The following ACVR1B variants were observed in gnomAD, a reference collection of about 807,000 sequenced individuals.
ACVR1B encodes activin A receptor type 1B, also known as activin receptor type-1B.
In ACVR1B, 15 loss-of-function variants were observed where a neutral mutation model predicts 55.6. The observed-to-expected ratio is 0.27, with a 90% CI of 0.18 to 0.42. ACVR1B has a LOEUF of 0.42. Ranked by LOEUF, ACVR1B falls within the 10% of genes least tolerant of loss-of-function variation. The probability of loss-of-function intolerance (pLI) is 1.00; values close to 1 mark genes in which losing one functional copy is unlikely to be tolerated. For synonymous variants in ACVR1B, 247 were observed against 254.6 expected, an observed-to-expected ratio of 0.97 and a Z score of 0.28; for missense variants, 359 against 670.1, an observed-to-expected ratio of 0.54 and a Z score of 5.13.
chr12:51,959,796 C>CT (rs1034006011), intron 1 of ACVR1B, among the ~76,000 whole-genome samples: 1 of 151,978 alleles, frequency 6.6e-6, no homozygotes, highest in Non-Finnish European at 1.5e-5. Context: ...CTGACTATAA[C>CT]TTTTTTCTAG....
chr12:51,972,028 G>A (rs937521434), intron 1 of ACVR1B, among the ~76,000 whole-genome samples: 2 of 152,186 alleles, frequency 1.3e-5, no homozygotes, highest in African/African-American at 4.8e-5. Flanking sequence ...TTTTACTTGG[G>A]TGGTGGCTTT....
chr12:51,964,806 G>T lies in ACVR1B; in HGVS notation c.92-10459G>T, dbSNP rs564950871. Reference sequence around the variant, plus strand: ...GGTTTATTTCTGGATTCTCAATTCGGTTCTGTTGGTTTGTATGTCTATACT... The same window carrying T: ...GGTTTATTTCTGGATTCTCAATTCGTTTCTGTTGGTTTGTATGTCTATACT... On this transcript the variant is annotated intron_variant, in intron 1 of 8. Transcript: ENST00000257963. Among the ~76,000 whole-genome samples the T allele has an allele frequency of 1.1e-4, 17 of 152,182 alleles. No individual in the cohort carries two copies. In the South Asian group the frequency reaches 3.5e-3, roughly 32 times the overall value.
chr12:51,964,399 A>G (rs1941599990), intron 1 of ACVR1B, among the ~76,000 whole-genome samples: 1 of 152,026 alleles, frequency 6.6e-6, no homozygotes, highest in African/African-American at 2.4e-5. Context: ...ATTTGCGTAT[A>G]TTTTCTCCTG....
At chr12:51,970,278 A>G (rs1023434591) in intron 1 of ACVR1B, among the ~76,000 whole-genome samples, 1 of 152,132 alleles carries the variant, frequency 6.6e-6, no homozygotes, top group Non-Finnish European at 1.5e-5. Context: ...GTTGTGGGGA[A>G]AAGATCGAAC....
In ACVR1B at chr12:51,951,713, T is replaced by TGCG. The variant is rs10540557; in HGVS notation, c.-11_-9dup. 0.019 allele frequency: 20,839 copies of TGCG among 1,116,158 alleles called. 134 individuals are homozygous for TGCG. The highest frequency in any genetic ancestry group is 0.022 in the Non-Finnish European group (19,277 of 893,148). The allele number at this position is 1,116,158 out of a possible 1,614,324, so 69.1% of individuals were successfully genotyped here. A position where few individuals can be genotyped will look rare whatever the true frequency, so the allele number is the denominator to read the frequency against. ...GCGCGCGCGCTGGGCGCTGCTGGGC[T>TGCG]GCGGCGGCGGCGGCGGCGGCGGTGG... On this transcript the variant is annotated 5_prime_UTR_variant, in exon 1 of 9. Transcript: ENST00000257963.
At chr12:51,967,465 A>G (rs541766669) in intron 1 of ACVR1B, among the ~76,000 whole-genome samples, 7 of 152,062 alleles carry the variant, frequency 4.6e-5, no homozygotes, top group Non-Finnish European at 1.0e-4. Flanking sequence ...AGGCTGAGGC[A>G]GGAGAATCGC....
chr12:51,981,303 A>G, intron 4 of ACVR1B, 104 bp downstream of exon 4: 1 of 1,001,268 alleles, frequency 1.0e-6, no homozygotes, highest in African/African-American at 1.6e-5. Context: ...TGTAACCCGT[A>G]GAAAGAAAAC....
intron 7 of ACVR1B, chr12:51,987,414 C>T: frequency 2.5e-6 from 1 of 401,956 alleles, no homozygotes; most frequent in Non-Finnish European, 4.4e-6. Flanking sequence ...AGTTTTTTCT[C>T]CCATAGTTAA....
At position 51,975,363 on chromosome 12, in the gene ACVR1B, C is replaced by T; in HGVS notation, c.190C>T (p.His64Tyr). 6.2e-7 allele frequency: 1 copy of T among 1,614,170 alleles called. No homozygotes were observed. The change falls in exon 2 of 9, where the codon CAC becomes TAC. Residue 64 changes from histidine to tyrosine, a missense_variant. His to Tyr is a moderately conservative substitution (Grantham distance 83). Coordinates refer to ENST00000257963, the MANE Select transcript of ACVR1B (RefSeq NM_004302.5). Reference sequence around the variant, plus strand: ...CATTTTCAATCTGGATGGGATGGAGCACCATGTGCGCACCTGCATCCCCAA... The same window carrying T: ...CATTTTCAATCTGGATGGGATGGAGTACCATGTGCGCACCTGCATCCCCAA... ...VSIFNLDGME[H>Y]HVRTCIPKVE...
intron 6 of ACVR1B, among the ~76,000 whole-genome samples, chr12:51,986,332 C>A (rs893870421): frequency 6.6e-6 from 1 of 152,256 alleles, no homozygotes; most frequent in Non-Finnish European, 1.5e-5. Context: ...AGTCATGGCT[C>A]ACTGCAGCCT....
chr12:51,994,462 AGGTGTT>A lies in ACVR1B; in HGVS notation c.*354_*359del, dbSNP rs1211620505. The A allele has an allele frequency of 1.4e-5, 4 of 284,466 alleles. No homozygotes were observed. Among genetic ancestry groups the A allele is most frequent in the Non-Finnish European group, 2.7e-5 (4 of 147,290 alleles). 17.6% of individuals were successfully genotyped at this position (284,466 alleles called of 1,614,324 possible). On this transcript the variant is annotated 3_prime_UTR_variant, in exon 9 of 9. Transcript: ENST00000257963. This position sits in a 1 kb window ranked among gnomAD's most constrained non-coding sequence, Gnocchi z 4.2. ...CGCTTGGGAGGGGCCGGAGGAACCG[AGGTGTT>A]GCCAGTGCTAAGCTGCCCTGAGGGT...
rs765973819 is a variant in ACVR1B, at chr12:51,985,213, G to A, written c.1001G>A (p.Arg334Gln). ...CCAGGGAAGCCTGGAATTGCTCATC[G>A]AGACTTAAAGTCAAAGAACATTCTG... ...GTQGKPGIAH[R>Q]DLKSKNILVK... Residue 334 changes from arginine to glutamine, a missense_variant, in exon 6 of 9, where the codon CGA (arginine) becomes CAA (glutamine). By Grantham distance (43) the Arg-to-Gln change is conservative (BLOSUM62 1). Transcript: ENST00000257963. The A allele has an allele frequency of 6.2e-6, 10 of 1,610,958 alleles. No homozygotes were observed. Among genetic ancestry groups the A allele is most frequent in the Non-Finnish European group, 8.5e-6 (10 of 1,178,842 alleles).
chr12:51,966,604 ACACCTAGCTGAT>A (rs1402472239), intron 1 of ACVR1B, among the ~76,000 whole-genome samples: 2 of 152,070 alleles, frequency 1.3e-5, no homozygotes, highest in Non-Finnish European at 2.9e-5. Context: ...ATGTGCCACC[ACACCTAGCTGAT>A]ATGTTTACTT....
chr12:51,963,906 A>G (rs1040349734), intron 1 of ACVR1B, among the ~76,000 whole-genome samples: 3 of 152,222 alleles, frequency 2.0e-5, no homozygotes, highest in Non-Finnish European at 4.4e-5. Flanking sequence ...TGTCCCAGCA[A>G]TGCACCAAGG....
rs772380219 is a variant in ACVR1B, at chr12:51,984,034, G to A, written c.847G>A (p.Asp283Asn). The change falls in exon 5 of 9, where the codon GAC becomes AAC. Residue 283 changes from aspartate (D) to asparagine (N), a missense_variant. Physicochemically the swap from Asp to Asn is conservative, Grantham distance 23 (BLOSUM62 1). Transcript: ENST00000257963. ...GTWTQLWLVS[D>N]YHEHGSLFDY... ...CTGGACACAGCTGTGGCTTGTTTCT[G>A]ACTATCATGAGCACGGGTCCCTGTT... is the stretch of plus-strand genomic sequence containing the variant. 1 of 1,614,030 alleles carries A rather than the reference G, an allele frequency of 6.2e-7. No homozygotes were observed. Among genetic ancestry groups the A allele is most frequent in the Non-Finnish European group, 8.5e-7 (1 of 1,180,030 alleles).
At chr12:51,964,731 CT>C (rs1185162041) in intron 1 of ACVR1B, among the ~76,000 whole-genome samples, 3 of 152,210 alleles carry the variant, frequency 2.0e-5, no homozygotes, top group Admixed American at 6.5e-5. Flanking sequence ...TTCCTCCCCC[CT>C]GTATGTTCTA....
rs1274405136 is a variant in ACVR1B at position 51,979,714 on chromosome 12, A to G, written c.581-1255A>G. On this transcript the variant is annotated intron_variant, in intron 3 of 8. Coordinates refer to ENST00000257963, the MANE Select transcript of ACVR1B (RefSeq NM_004302.5). Reference sequence around the variant, plus strand: ...GAGGGCTGACCTTTATCTTCTAGGTAAGGGGCTTCTACTGAAAGTTTCCAT... The same window carrying G: ...GAGGGCTGACCTTTATCTTCTAGGTGAGGGGCTTCTACTGAAAGTTTCCAT... 3.3e-5 allele frequency among the ~76,000 whole-genome samples: 5 copies of G among 152,202 alleles called. No individual in the cohort carries two copies. The East Asian group carries it at 9.7e-4, about 29-fold the overall frequency.
Position 51,958,731 on chromosome 12 carries a change from A to G in ACVR1B, c.91+6897A>G, listed in dbSNP as rs147117492. 3.1e-4 allele frequency among the ~76,000 whole-genome samples: 47 copies of G among 152,260 alleles called. No individual in the cohort carries two copies. The East Asian group carries it at 8.9e-3, about 29-fold the overall frequency. On this transcript the variant is annotated intron_variant, in intron 1 of 8. Coordinates refer to ENST00000257963, the MANE Select transcript of ACVR1B (RefSeq NM_004302.5). Reference sequence around the variant, plus strand: ...GGTGCATGCAAGCTAGATGCCTCGCATGCGCGGTTCACCGTAGGTTTCCCA... The same window carrying G: ...GGTGCATGCAAGCTAGATGCCTCGCGTGCGCGGTTCACCGTAGGTTTCCCA...
intron 1 of ACVR1B, among the ~76,000 whole-genome samples, chr12:51,964,202 G>A (rs1006837665): frequency 6.6e-6 from 1 of 152,108 alleles, no homozygotes; most frequent in Non-Finnish European, 1.5e-5. Flanking sequence ...GTGCAGTGGT[G>A]TATTCTTAGC....
Sources: gnomAD v4.1 joint callset for allele counts (sites outside exome capture counted in the v4.1 genomes callset) on GRCh38, gnomAD v4.1.1 for gene constraint, Gnocchi (gnomAD v3.1) non-coding constraint, MANE v1.5 for transcripts, NCBI Gene and HGNC (gene_info 2026-07-23, HGNC 2026-07-21) for gene names.